Variants in GALNTL6 observed in about 807,000 individuals in gnomAD.
GALNTL6 encodes polypeptide N-acetylgalactosaminyltransferase-like 6.
In GALNTL6, 46 loss-of-function variants were observed where a neutral mutation model predicts 73.7. The observed-to-expected ratio is 0.62, with a 90% CI of 0.49 to 0.80. The LOEUF is 0.80. Among genes scored for constraint, GALNTL6 ranks in the 30% least tolerant of loss-of-function variants. GALNTL6 has a pLI of 0.00. For synonymous variants in GALNTL6, 259 were observed against 263.7 expected, an observed-to-expected ratio of 0.98 and a Z score of 0.17; for missense variants, 604 against 755.0, an observed-to-expected ratio of 0.80 and a Z score of 2.34.
At chr4:172,607,339 T>C (rs1222428003) in intron 5 of GALNTL6, among the ~76,000 whole-genome samples, 2 of 152,092 alleles carry the variant, frequency 1.3e-5, no homozygotes, top group African/African-American at 4.8e-5. Flanking sequence ...TTTCCGTTCT[T>C]TGTGTTCATG....
At chr4:172,029,164 A>T (rs988620484) in intron 2 of GALNTL6, among the ~76,000 whole-genome samples, 1 of 152,012 alleles carries the variant, frequency 6.6e-6, no homozygotes, top group East Asian at 1.9e-4. Context: ...TATTTGGAAC[A>T]ATCTATATAA....
intron 10 of GALNTL6, among the ~76,000 whole-genome samples, chr4:172,985,468 G>T (rs1402889289): frequency 2.0e-5 from 3 of 151,940 alleles, no homozygotes; most frequent in Non-Finnish European, 4.4e-5. Context: ...CCACCTGACA[G>T]GTTCATCTTG....
At chr4:172,297,592 GC>G (rs762627028) in intron 3 of GALNTL6, among the ~76,000 whole-genome samples, 3 of 151,924 alleles carry the variant, frequency 2.0e-5, no homozygotes, top group Non-Finnish European at 2.9e-5. Flanking sequence ...AGTTTTCCCA[GC>G]ACCATTAAAT....
chr4:171,900,170 A>G (rs1436709289), intron 2 of GALNTL6, among the ~76,000 whole-genome samples: 1 of 152,182 alleles, frequency 6.6e-6, no homozygotes, highest in Non-Finnish European at 1.5e-5. Context: ...GTATTATAAA[A>G]AAGATGGGGT....
intron 5 of GALNTL6, among the ~76,000 whole-genome samples, chr4:172,475,824 A>T (rs1425922296): frequency 6.6e-6 from 1 of 152,220 alleles, no homozygotes; most frequent in Admixed American, 6.5e-5. Flanking sequence ...CTATCCAGGG[A>T]TCCATCCAGA....
chr4:172,237,003 A>G (rs908526480), intron 3 of GALNTL6, among the ~76,000 whole-genome samples: 1 of 152,194 alleles, frequency 6.6e-6, no homozygotes, highest in African/African-American at 2.4e-5. Flanking sequence ...TACTTGGGAC[A>G]ATGGTCTCCA....
intron 10 of GALNTL6, among the ~76,000 whole-genome samples, chr4:172,979,187 C>T (rs147326356): frequency 7.2e-5 from 11 of 152,256 alleles, no homozygotes; most frequent in African/African-American, 2.4e-4. Context: ...GGCCCCTGGC[C>T]ATATCAAAGC....
chr4:172,534,487 A>G (rs1035165274), intron 5 of GALNTL6, among the ~76,000 whole-genome samples: 1 of 152,220 alleles, frequency 6.6e-6, no homozygotes, highest in African/African-American at 2.4e-5. Flanking sequence ...TCTATTTAGA[A>G]TAAGTGGTAT....
At chr4:172,544,072 T>C (rs1735668566) in intron 5 of GALNTL6, among the ~76,000 whole-genome samples, 1 of 152,194 alleles carries the variant, frequency 6.6e-6, no homozygotes, top group African/African-American at 2.4e-5. Context: ...GATTTCTTAG[T>C]TCCAATAAGC....
At chr4:172,639,733 G>A (rs1309229941) in intron 5 of GALNTL6, among the ~76,000 whole-genome samples, 1 of 151,964 alleles carries the variant, frequency 6.6e-6, no homozygotes, top group Non-Finnish European at 1.5e-5. Flanking sequence ...AACCTAATCA[G>A]ACTTTGAACC....
At chr4:172,552,859 G>GAAAAAAAAAAAAAAA (rs1736013058) in intron 5 of GALNTL6, among the ~76,000 whole-genome samples, 1 of 32,280 alleles carries the variant, frequency 3.1e-5, no homozygotes. Flanking sequence ...AAAAAAAAAG[G>GAAAAAAAAAAAAAAA]TAAAAACCGC....
intron 10 of GALNTL6, among the ~76,000 whole-genome samples, chr4:172,955,996 G>A (rs1749730467): frequency 1.3e-5 from 2 of 152,148 alleles, no homozygotes; most frequent in Non-Finnish European, 2.9e-5. Context: ...GCAGGAACCA[G>A]CCATCTGGAT....
intron 10 of GALNTL6, among the ~76,000 whole-genome samples, chr4:172,985,389 G>C (rs756372910): frequency 1.7e-4 from 26 of 151,546 alleles, no homozygotes; most frequent in Non-Finnish European, 2.9e-4. Context: ...AGACAAACTA[G>C]ATAGAAAATA....
At chr4:172,550,509 T>C (rs1045114204) in intron 5 of GALNTL6, among the ~76,000 whole-genome samples, 23 of 152,232 alleles carry the variant, frequency 1.5e-4, no homozygotes, top group Non-Finnish European at 3.1e-4. Flanking sequence ...GGGTTGTCAG[T>C]CTTTTTACCA....
chr4:172,077,618 G>T (rs1371799506), intron 2 of GALNTL6, among the ~76,000 whole-genome samples: 1 of 152,142 alleles, frequency 6.6e-6, no homozygotes, highest in Non-Finnish European at 1.5e-5. Context: ...TGTGAACAAA[G>T]AGATTATTTG....
At position 172,927,935 on chromosome 4, in the gene GALNTL6, C is replaced by T. The variant is rs751069332; in HGVS notation, c.1042-3226C>T. On this transcript the variant is annotated intron_variant, in intron 8 of 12. Coordinates refer to ENST00000506823, the MANE Select transcript of GALNTL6 (RefSeq NM_001034845.3). ...GATCCCCTAATGGAAAGTTGGTTAC[C>T]GAGGTCACATTGCAGAGGGGTATGT... Among the ~76,000 whole-genome samples, 22 of 152,070 alleles carry T rather than the reference C, an allele frequency of 1.4e-4. 1 individual carries two copies. The highest frequency in any genetic ancestry group is 2.2e-4 in the Non-Finnish European group (15 of 68,016).
intron 5 of GALNTL6, among the ~76,000 whole-genome samples, chr4:172,733,537 T>A (rs1736275328): frequency 6.6e-6 from 1 of 152,190 alleles, no homozygotes; most frequent in African/African-American, 2.4e-5. Flanking sequence ...CCATAATCCC[T>A]ATGTATGGTG....
At chr4:171,910,420 A>T (rs1392133652) in intron 2 of GALNTL6, among the ~76,000 whole-genome samples, 1 of 152,132 alleles carries the variant, frequency 6.6e-6, no homozygotes, top group Non-Finnish European at 1.5e-5. Flanking sequence ...ACAACTGTAT[A>T]ATATATAAAT....
At chr4:172,698,918 C>G (rs539514343) in intron 5 of GALNTL6, among the ~76,000 whole-genome samples, 1 of 152,144 alleles carries the variant, frequency 6.6e-6, no homozygotes, top group Non-Finnish European at 1.5e-5. Flanking sequence ...TTTGCAAGTT[C>G]TGTGTCTTGG....
Sources: allele counts gnomAD v4.1 joint callset (sites outside exome capture counted in the v4.1 genomes callset), GRCh38; gene constraint gnomAD v4.1.1; transcripts MANE v1.5; gene names NCBI Gene and HGNC (gene_info 2026-07-23, HGNC 2026-07-21).